The following SLFNL1 variants were observed in gnomAD, a reference collection of about 807,000 sequenced individuals.
SLFNL1 encodes the protein schlafen like 1, also known as schlafen-like protein 1.
A neutral mutation model predicts 32.5 loss-of-function variants in SLFNL1; 26 were observed. The observed-to-expected ratio is 0.80, with a 90% CI of 0.59 to 1.11. The LOEUF is 1.11. Among genes scored for constraint, SLFNL1 ranks in the 50% least tolerant of loss-of-function variants. The pLI, the probability that SLFNL1 is intolerant of heterozygous loss-of-function variation, is 0.00. For synonymous variants in SLFNL1, 255 were observed against 242.2 expected (o/e 1.05, Z -0.49); for missense variants, 553 against 546.5 (o/e 1.01, Z -0.12).
In SLFNL1 at chr1:41,015,943, G is replaced by T. The variant is rs1643288688; in HGVS notation, c.*163C>A. 1.1e-6 allele frequency: 1 copy of T among 915,736 alleles called. No homozygotes were observed. The highest frequency in any genetic ancestry group is 1.6e-6 in the Non-Finnish European group (1 of 611,884). 56.7% of individuals were successfully genotyped at this position (915,736 alleles called of 1,614,324 possible). ...TTGGCTACACAGATGGGTCTGTCAGGGTTGAAGCCACATGGGTGCCTGCTC... is the reference window on the plus strand; with the variant it reads ...TTGGCTACACAGATGGGTCTGTCAGTGTTGAAGCCACATGGGTGCCTGCTC... On this transcript the variant is annotated 3_prime_UTR_variant, in exon 6 of 6. Coordinates refer to ENST00000302946, the MANE Select transcript of SLFNL1 (RefSeq NM_144990.4).
Position 41,017,992 on chromosome 1 carries a change from G to A in SLFNL1, c.600C>T (p.Ala200=). The A allele has an allele frequency of 2.5e-6, 4 of 1,609,054 alleles. No homozygotes were observed. The highest frequency in any genetic ancestry group is 3.4e-6 in the Non-Finnish European group (4 of 1,178,390). The change falls in exon 4 of 6, where the codon GCC becomes GCT. Residue 200 remains alanine (A), a synonymous_variant. Coordinates refer to ENST00000302946, the MANE Select transcript of SLFNL1 (RefSeq NM_144990.4). This position sits in a 1 kb window ranked among gnomAD's most constrained non-coding sequence, Gnocchi z 4.9. ...GRPSGVCSDS[A]IVHQQIVGKD... ...TGCCCACGATCTGCTGGTGCACAAT[G>A]GCACTGTCGGAGCACACGCCGCTGG... is the stretch of plus-strand genomic sequence containing the variant.
chr1:41,018,170 C>T lies in SLFNL1; in HGVS notation c.436-14G>A. 1.4e-6 allele frequency: 2 copies of T among 1,457,268 alleles called. No individual in the cohort carries two copies. The highest frequency in any genetic ancestry group is 1.8e-6 in the Non-Finnish European group (2 of 1,102,104). 90.3% of individuals were successfully genotyped at this position (1,457,268 alleles called of 1,614,324 possible). On this transcript the variant is annotated splice_polypyrimidine_tract_variant and intron_variant, in intron 3 of 5. Transcript: ENST00000302946. Reference sequence around the variant, plus strand: ...CTCCTCCTTCTCCTAGGGTGGTAGTCAAGAATGAATGTATGGGTCCAGCCA... The same window carrying T: ...CTCCTCCTTCTCCTAGGGTGGTAGTTAAGAATGAATGTATGGGTCCAGCCA...
Position 41,017,118 on chromosome 1 carries a change from G to A in SLFNL1, c.1101+116C>T, listed in dbSNP as rs929016652. The stretch of plus-strand genomic sequence containing the variant: ...TGTATTCCAACCCCTTGGGTTCAAC[G>A]GGGTGATGCAGGACCCAGGGAACCA... On this transcript the variant is annotated intron_variant, in intron 5 of 5. Transcript: ENST00000302946. The surrounding 1 kb of genome is among the most constrained non-coding windows in gnomAD (Gnocchi z 4.9). The A allele has an allele frequency of 1.2e-5, 15 of 1,297,804 alleles. No homozygotes were observed. Among genetic ancestry groups the A allele is most frequent in the South Asian group, 3.1e-5 (2 of 64,348 alleles). 80.4% of individuals were successfully genotyped at this position (1,297,804 alleles called of 1,614,324 possible).
chr1:41,017,060 C>CACCT lies in SLFNL1; in HGVS notation c.1101+170_1101+173dup. The CACCT allele has an allele frequency of 1.3e-6, 1 of 745,154 alleles. No homozygotes were observed. Among genetic ancestry groups the CACCT allele is most frequent in the Non-Finnish European group, 2.0e-6 (1 of 495,940 alleles). The allele number at this position is 745,154 out of a possible 1,614,324, so 46.2% of individuals were successfully genotyped here. Reference sequence around the variant, plus strand: ...CTTGGGCCTCTTCCTTCCCACCAGCCACCTACCCGCGGAGTATGGGATGTG... The same window carrying CACCT: ...CTTGGGCCTCTTCCTTCCCACCAGCCACCTACCTACCCGCGGAGTATGGGATGTG... On this transcript the variant is annotated intron_variant, in intron 5 of 5. Coordinates refer to ENST00000302946, the MANE Select transcript of SLFNL1 (RefSeq NM_144990.4). This position sits in a 1 kb window ranked among gnomAD's most constrained non-coding sequence, Gnocchi z 4.9.
chr1:41,020,035 CTG>C (rs1039498726), intron 3 of SLFNL1, among the ~76,000 whole-genome samples, 189 bp downstream of exon 3: 60 of 152,340 alleles, frequency 3.9e-4, no homozygotes, highest in Non-Finnish European at 2.4e-4. Flanking sequence ...TTGAGGCAAA[CTG>C]TTTTTCCCAG....
Position 41,020,499 on chromosome 1 carries a change from C to T in SLFNL1, c.162G>A (p.Leu54=), listed in dbSNP as rs1643753331. Residue 54 remains leucine (L), a synonymous_variant, in exon 3 of 6, where the codon CTG becomes CTA. Coordinates refer to ENST00000302946, the MANE Select transcript of SLFNL1 (RefSeq NM_144990.4). ...GCACCGGCACTGAGAACTGGGGGTT[C>T]AGATGGCCCACATAGAGAGTGTGCG... The part of the protein sequence containing the change: ...PSAHTLYVGH[L]NPQFSVPVLA... 1.2e-6 allele frequency: 2 copies of T among 1,613,372 alleles called. No individual in the cohort carries two copies. Among genetic ancestry groups the T allele is most frequent in the South Asian group, 1.1e-5 (1 of 91,068 alleles).
At position 41,020,698 on chromosome 1, in the gene SLFNL1, C is replaced by CA. The variant is rs1553185134; in HGVS notation, c.-39dup. On this transcript the variant is annotated 5_prime_UTR_variant, in exon 3 of 6. Coordinates refer to ENST00000302946, the MANE Select transcript of SLFNL1 (RefSeq NM_144990.4). Reference sequence around the variant, plus strand: ...CCTGGGAAGGGGTTCCAGGATTCCTCACTGCTGGCTGCTTCTCCCAGGGTC... The same window carrying CA: ...CCTGGGAAGGGGTTCCAGGATTCCTCAACTGCTGGCTGCTTCTCCCAGGGTC... 2 of 1,576,778 alleles carry CA rather than the reference C, an allele frequency of 1.3e-6. No homozygotes were observed. Among genetic ancestry groups the CA allele is most frequent in the Non-Finnish European group, 1.7e-6 (2 of 1,156,096 alleles).
In SLFNL1 at chr1:41,018,059, T is replaced by C. The variant is rs751378966; in HGVS notation, c.533A>G (p.Asp178Gly). 4.4e-6 allele frequency: 7 copies of C among 1,585,592 alleles called. No individual in the cohort carries two copies. Among genetic ancestry groups the C allele is most frequent in the Non-Finnish European group, 6.0e-6 (7 of 1,166,198 alleles). ...CTGCAGCTGCTGGGCCTGGGGCCTATCAGGCAGCGTGTGTGTAGGCCAGGT... is the reference window on the plus strand; with the variant it reads ...CTGCAGCTGCTGGGCCTGGGGCCTACCAGGCAGCGTGTGTGTAGGCCAGGT... Reference protein sequence around the residue: ...LPTWPTHTLPDRPQAQQLQSC... With the variant: ...LPTWPTHTLPGRPQAQQLQSC... Residue 178 changes from aspartate (D) to glycine (G), a missense_variant, in exon 4 of 6, where the codon GAT (aspartate) becomes GGT (glycine). Physicochemically the swap from Asp to Gly is moderately conservative, Grantham distance 94. Coordinates refer to ENST00000302946, the MANE Select transcript of SLFNL1 (RefSeq NM_144990.4).
chr1:41,018,451 G>A, intron 3 of SLFNL1: 1 of 356,086 alleles, frequency 2.8e-6, no homozygotes, highest in Non-Finnish European at 5.1e-6. Context: ...GCTTCTCAGG[G>A]CTGGGTGCTG....
rs1235372875 is a variant in SLFNL1 at position 41,016,197 on chromosome 1, T to C, written c.1133A>G (p.Glu378Gly). 8 of 1,614,122 alleles carry C rather than the reference T, an allele frequency of 5.0e-6. No individual in the cohort carries two copies. The highest frequency in any genetic ancestry group is 4.4e-5 in the South Asian group (4 of 91,078). ...CTCCATCATCAGCGCCTTCATCTTC[T>C]CTTCCAGCTTGCCCAGCTCCACCAG... ...RWLVELGKLE[E>G]KMKALMMEKE... Residue 378 changes from glutamate (E) to glycine (G), a missense_variant, in exon 6 of 6, where the codon GAG becomes GGG. Coordinates refer to ENST00000302946, the MANE Select transcript of SLFNL1 (RefSeq NM_144990.4).
chr1:41,020,245 C>T lies in SLFNL1; in HGVS notation c.416G>A (p.Gly139Glu), dbSNP rs1407396677. ...ACTTACCTCTCTGTGGCTGAAGGGCCCTTGGGCCTCACTCAATAGCAGGTC... is the reference window on the plus strand; with the variant it reads ...ACTTACCTCTCTGTGGCTGAAGGGCTCTTGGGCCTCACTCAATAGCAGGTC... ...GKDLLLSEAQ[G>E]PFSHREEKEE... Residue 139 changes from glycine (G) to glutamate (E), a missense_variant, in exon 3 of 6, where the codon GGG becomes GAG. Gly to Glu is a moderately conservative substitution (Grantham distance 98). Coordinates refer to ENST00000302946, the MANE Select transcript of SLFNL1 (RefSeq NM_144990.4). 3 of 1,602,328 alleles carry T rather than the reference C, an allele frequency of 1.9e-6. No homozygotes were observed. The highest frequency in any genetic ancestry group is 1.1e-5 in the South Asian group (1 of 89,248).
In SLFNL1 at chr1:41,020,252, C is replaced by T. The variant is rs745463377; in HGVS notation, c.409G>A (p.Ala137Thr). Residue 137 changes from alanine to threonine, a missense_variant, in exon 3 of 6, where the codon GCC becomes ACC. Ala to Thr is a moderately conservative substitution (Grantham distance 58, BLOSUM62 0). Transcript: ENST00000302946. The stretch of plus-strand genomic sequence containing the variant: ...TCTCTGTGGCTGAAGGGCCCTTGGG[C>T]CTCACTCAATAGCAGGTCCTTCCCA... ...ARGKDLLLSE[A>T]QGPFSHREEK... The T allele has an allele frequency of 1.2e-6, 2 of 1,604,456 alleles. No individual in the cohort carries two copies. The highest frequency in any genetic ancestry group is 1.7e-6 in the Non-Finnish European group (2 of 1,174,668).
In SLFNL1 at chr1:41,017,411, G is replaced by T; in HGVS notation, c.958-34C>A. 1 of 1,597,072 alleles carries T rather than the reference G, an allele frequency of 6.3e-7. No individual in the cohort carries two copies. On this transcript the variant is annotated intron_variant, in intron 4 of 5. Coordinates refer to ENST00000302946, the MANE Select transcript of SLFNL1 (RefSeq NM_144990.4). The surrounding 1 kb of genome is among the most constrained non-coding windows in gnomAD (Gnocchi z 4.9). ...GGGCAACAGCAGCTCTGGAGGCGCC[G>T]CCCCTCACGGTCGGCAGCCCCCATC...
rs1430215239 is a variant in SLFNL1, at chr1:41,020,308, T to C, written c.353A>G (p.Glu118Gly). 1 of 1,613,484 alleles carries C rather than the reference T, an allele frequency of 6.2e-7. No individual in the cohort carries two copies. Among genetic ancestry groups the C allele is most frequent in the South Asian group, 1.1e-5 (1 of 91,072 alleles). ...TGCCAGCTCCTTGAGGATTAGGTGCTCCTCCAGGGCCGTCTGCAGGCGCCA... is the reference window on the plus strand; with the variant it reads ...TGCCAGCTCCTTGAGGATTAGGTGCCCCTCCAGGGCCGTCTGCAGGCGCCA... ...LPWRLQTALE[E>G]HLILKELAAR... Residue 118 changes from glutamate (E) to glycine (G), a missense_variant, in exon 3 of 6, where the codon GAG (glutamate) becomes GGG (glycine). Physicochemically the swap from Glu to Gly is moderately conservative, Grantham distance 98. Transcript: ENST00000302946.
chr1:41,017,145 G>C lies in SLFNL1; in HGVS notation c.1101+89C>G. The C allele has an allele frequency of 1.4e-6, 2 of 1,428,552 alleles. No individual in the cohort carries two copies. The highest frequency in any genetic ancestry group is 1.8e-6 in the Non-Finnish European group (2 of 1,082,644). The allele number at this position is 1,428,552 out of a possible 1,614,324, so 88.5% of individuals were successfully genotyped here. A position where few individuals can be genotyped will look rare whatever the true frequency, so the allele number is the denominator to read the frequency against. ...GGTGATGCAGGACCCAGGGAACCAT[G>C]GTGGCTTGCCCTGGGCTGCTCAGTG... On this transcript the variant is annotated intron_variant, in intron 5 of 5. Transcript: ENST00000302946. This position sits in a 1 kb window ranked among gnomAD's most constrained non-coding sequence, Gnocchi z 4.9.
Position 41,020,270 on chromosome 1 carries a change from C to T in SLFNL1, c.391G>A (p.Asp131Asn), listed in dbSNP as rs1221634822. 12 of 1,611,480 alleles carry T rather than the reference C, an allele frequency of 7.4e-6. No individual in the cohort carries two copies. The highest frequency in any genetic ancestry group is 3.3e-5 in the Admixed American group (2 of 59,920). ...CCTTGGGCCTCACTCAATAGCAGGT[C>T]CTTCCCACGGGCTGCCAGCTCCTTG... ...ILKELAARGK[D>N]LLLSEAQGPF... The change falls in exon 3 of 6, where the codon GAC (aspartate) becomes AAC (asparagine). Residue 131 changes from aspartate (D) to asparagine (N), a missense_variant. Asp to Asn is a conservative substitution (Grantham distance 23). Transcript: ENST00000302946.
chr1:41,015,981 G>T lies in SLFNL1; in HGVS notation c.*125C>A. ...TGGGTGCCTGCTCATGTGCCATGTTGAAGGAGTCCCTGTCCGCCTCTCAGC... is the reference window on the plus strand; with the variant it reads ...TGGGTGCCTGCTCATGTGCCATGTTTAAGGAGTCCCTGTCCGCCTCTCAGC... On this transcript the variant is annotated 3_prime_UTR_variant, in exon 6 of 6. Transcript: ENST00000302946. 1 of 1,331,682 alleles carries T rather than the reference G, an allele frequency of 7.5e-7. No individual in the cohort carries two copies. Among genetic ancestry groups the T allele is most frequent in the Non-Finnish European group, 1.0e-6 (1 of 983,852 alleles). The allele number at this position is 1,331,682 out of a possible 1,614,324, so 82.5% of individuals were successfully genotyped here.
At position 41,015,959 on chromosome 1, in the gene SLFNL1, G is replaced by GTGCC; in HGVS notation, c.*143_*146dup. ...GTCTGTCAGGGTTGAAGCCACATGG[G>GTGCC]TGCCTGCTCATGTGCCATGTTGAAG... On this transcript the variant is annotated 3_prime_UTR_variant, in exon 6 of 6. Coordinates refer to ENST00000302946, the MANE Select transcript of SLFNL1 (RefSeq NM_144990.4). 9.0e-7 allele frequency: 1 copy of GTGCC among 1,108,662 alleles called. No individual in the cohort carries two copies. The highest frequency in any genetic ancestry group is 1.6e-5 in the South Asian group (1 of 62,930). 68.7% of individuals were successfully genotyped at this position (1,108,662 alleles called of 1,614,324 possible).
chr1:41,020,088 G>T (rs1643712095), intron 3 of SLFNL1, 138 bp downstream of exon 3: 3 of 864,694 alleles, frequency 3.5e-6, no homozygotes, highest in East Asian at 5.0e-5. Flanking sequence ...GGTCATTTGA[G>T]TGGCAGCCCC....
Sources: gnomAD v4.1 joint callset for allele counts (sites outside exome capture counted in the v4.1 genomes callset) on GRCh38, gnomAD v4.1.1 for gene constraint, Gnocchi (gnomAD v3.1) non-coding constraint, MANE v1.5 for transcripts, NCBI Gene and HGNC (gene_info 2026-07-23, HGNC 2026-07-21) for gene names.